RERE: variants seen among roughly 807,000 people sequenced by gnomAD.
RERE encodes the protein arginine-glutamic acid dipeptide repeats protein.
A neutral mutation model predicts 146.1 loss-of-function variants in RERE; 40 were observed. The observed-to-expected ratio is 0.27, with a 90% confidence interval of 0.21 to 0.36. The LOEUF is 0.36. Among genes scored for constraint, RERE ranks in the 10% least tolerant of loss-of-function variants. The pLI is 1.00. For missense variants in RERE, 1,933 were observed against 2,138.7 expected (o/e 0.90, Z 1.90); for synonymous variants, 1,003 against 866.0 (o/e 1.16, Z -2.78).
intron 1 of RERE, among the ~76,000 whole-genome samples, chr1:8,669,412 A>G (rs900862832): frequency 6.6e-6 from 1 of 152,144 alleles, no homozygotes; most frequent in Non-Finnish European, 1.5e-5. Flanking sequence ...TGTACACTTT[A>G]AATAGGTAAA....
intron 1 of RERE, among the ~76,000 whole-genome samples, chr1:8,726,805 GTTTA>G (rs34474520): frequency 2.0e-5 from 3 of 151,594 alleles, no homozygotes; most frequent in Admixed American, 6.6e-5. Context: ...GTAAACTGAC[GTTTA>G]TTTATTTATT....
chr1:8,517,932 G>A (rs1188709392), intron 7 of RERE, among the ~76,000 whole-genome samples: 1 of 152,224 alleles, frequency 6.6e-6, no homozygotes, highest in African/African-American at 2.4e-5. Context: ...TCTTTGCAGA[G>A]GAGATGGAGG....
chr1:8,794,118 C>T (rs899634803), intron 1 of RERE, among the ~76,000 whole-genome samples: 3 of 147,582 alleles, frequency 2.0e-5, no homozygotes, highest in Non-Finnish European at 4.5e-5. Context: ...CCTCTGAAGG[C>T]TGGGCGCGGT....
chr1:8,611,341 T>C (rs1240803732), intron 4 of RERE, among the ~76,000 whole-genome samples: 2 of 149,644 alleles, frequency 1.3e-5, no homozygotes, highest in Non-Finnish European at 3.0e-5. Flanking sequence ...CACTGTCTAC[T>C]AAAAGTACAA....
At chr1:8,429,661 C>T (rs1182416736) in intron 11 of RERE, among the ~76,000 whole-genome samples, 1 of 152,198 alleles carries the variant, frequency 6.6e-6, no homozygotes, top group African/African-American at 2.4e-5. Context: ...GTATCACAGT[C>T]AGAAACTCAC....
intron 12 of RERE, among the ~76,000 whole-genome samples, chr1:8,410,991 G>A (rs1372883555): frequency 6.6e-6 from 1 of 152,112 alleles, no homozygotes; most frequent in East Asian, 1.9e-4. Flanking sequence ...CATTCCAAAT[G>A]ACAGATTTCC....
At chr1:8,721,487 T>C (rs1019614630) in intron 1 of RERE, among the ~76,000 whole-genome samples, 2 of 152,088 alleles carry the variant, frequency 1.3e-5, no homozygotes, top group African/African-American at 4.8e-5. Flanking sequence ...AATTTTTTTC[T>C]ATTTTTAATA....
chr1:8,441,510 T>C (rs1644248440), intron 11 of RERE, among the ~76,000 whole-genome samples: 1 of 152,242 alleles, frequency 6.6e-6, no homozygotes, highest in African/African-American at 2.4e-5. Context: ...ACACAGTGCC[T>C]AGCTCTGAGG....
intron 1 of RERE, among the ~76,000 whole-genome samples, chr1:8,751,406 A>T (rs982152196): frequency 9.9e-5 from 15 of 152,220 alleles, no homozygotes; most frequent in Admixed American, 1.3e-4. Context: ...CAATATTCTT[A>T]TAAGAATCAT....
intron 4 of RERE, among the ~76,000 whole-genome samples, chr1:8,573,428 T>C (rs1046752099): frequency 2.6e-5 from 4 of 152,164 alleles, no homozygotes; most frequent in Non-Finnish European, 5.9e-5. Flanking sequence ...TTCTATAATA[T>C]GCTTTGTTCT....
intron 1 of RERE, among the ~76,000 whole-genome samples, chr1:8,762,427 A>G (rs929335033): frequency 6.6e-6 from 1 of 152,264 alleles, no homozygotes; most frequent in African/African-American, 2.4e-5. Context: ...CAAGCTTTTC[A>G]GCACAAGAAC....
intron 12 of RERE, among the ~76,000 whole-genome samples, chr1:8,381,637 GA>G (rs1642463606): frequency 6.6e-6 from 1 of 152,104 alleles, no homozygotes; most frequent in African/African-American, 2.4e-5. Flanking sequence ...AAAACAAAAT[GA>G]AAACAAAACA....
At chr1:8,601,626 CCACACACACACACACACACACACACA>C (rs3082094) in intron 4 of RERE, among the ~76,000 whole-genome samples, 1 of 94,912 alleles carries the variant, frequency 1.1e-5, no homozygotes, top group East Asian at 3.2e-4. Context: ...TCCAAGGTCA[CCACACACACACACACACACACACACA>C]CACACACACA....
intron 4 of RERE, among the ~76,000 whole-genome samples, chr1:8,574,501 C>G (rs1346503875): frequency 6.6e-6 from 1 of 151,904 alleles, no homozygotes; most frequent in Non-Finnish European, 1.5e-5. Context: ...CCCGCCACCA[C>G]GCCCGGCTAA....
intron 11 of RERE, among the ~76,000 whole-genome samples, chr1:8,463,056 A>C (rs1442626460): frequency 6.6e-6 from 1 of 152,212 alleles, no homozygotes; most frequent in East Asian, 1.9e-4. Context: ...AGGGGGCCAC[A>C]TGAACACAGC....
At chr1:8,623,728 A>G (rs1046067510) in intron 3 of RERE, among the ~76,000 whole-genome samples, 1 of 152,218 alleles carries the variant, frequency 6.6e-6, no homozygotes, top group African/African-American at 2.4e-5. Flanking sequence ...TTCAGGAAGA[A>G]TTTTTAATGA....
At position 8,500,306 on chromosome 1, in the gene RERE, C is replaced by G. The variant is rs11584261; in HGVS notation, c.880-2777G>C. The stretch of plus-strand genomic sequence containing the variant: ...CTGTGAGCAGGACCAACCTCCCCCC[C>G]ATTCTTGAGAAAAATGGACTAGAAA... On this transcript the variant is annotated intron_variant, in intron 8 of 22. Transcript: ENST00000400908. Among the ~76,000 whole-genome samples, 29 of 152,196 alleles carry G rather than the reference C, an allele frequency of 1.9e-4. 3 individuals carry two copies. The East Asian group carries it at 1.9e-3, about 10-fold the overall frequency.
intron 11 of RERE, among the ~76,000 whole-genome samples, chr1:8,429,105 A>G (rs922283957): frequency 6.6e-6 from 1 of 152,230 alleles, no homozygotes; most frequent in Admixed American, 6.5e-5. Flanking sequence ...ACTGAGCGCT[A>G]TAACGTGCCA....
At chr1:8,604,622 G>GAGGAAGGAAGGAAGGAAGGAAGGA (rs1178725565) in intron 4 of RERE, among the ~76,000 whole-genome samples, 2 of 46,466 alleles carry the variant, frequency 4.3e-5, no homozygotes, top group Non-Finnish European at 8.4e-5. Context: ...GGGAGGGAGG[G>GAGGAAGGAAGGAAGGAAGGAAGGA]AGGAAGGAAG....
Sources: gnomAD v4.1 joint callset for allele counts (sites outside exome capture counted in the v4.1 genomes callset) on GRCh38, gnomAD v4.1.1 for gene constraint, MANE v1.5 for transcripts, NCBI Gene and HGNC (gene_info 2026-07-23, HGNC 2026-07-21) for gene names.